The following BRI3 variants were observed in gnomAD, a reference collection of about 807,000 sequenced individuals.
The protein encoded by BRI3 is brain protein I3, also known as membrane protein BRI3.
In BRI3, 6 loss-of-function variants were observed where a neutral mutation model predicts 12.8. The ratio of observed to expected loss-of-function variants is 0.47; its 90% CI spans 0.26 to 0.93. The LOEUF (loss-of-function observed/expected upper bound fraction) is 0.93, where lower values mean the gene tolerates loss of function less well. BRI3 is among the 40% of genes least tolerant of loss of function. BRI3 has a pLI of 0.15. For missense variants in BRI3, 134 were observed against 171.1 expected, an observed-to-expected ratio of 0.78 and a Z score of 1.21; for synonymous variants, 91 against 76.1, an observed-to-expected ratio of 1.20 and a Z score of -1.02.
downstream of BRI3, chr7:98,292,771 G>C: frequency 1.9e-6 from 3 of 1,549,060 alleles, no homozygotes; most frequent in South Asian, 3.6e-5. Flanking sequence ...AGCTGAGTGA[G>C]AACACAAGGA....
At chr7:98,283,722 G>A (rs909589472) in intron 2 of BRI3, among the ~76,000 whole-genome samples, 2 of 152,194 alleles carry the variant, frequency 1.3e-5, no homozygotes, top group African/African-American at 2.4e-5. Flanking sequence ...CCAGCCTGCC[G>A]GAGGAGCCGG....
chr7:98,298,201 T>C (rs1800269489), intron 1 of BRI3, among the ~76,000 whole-genome samples: 1 of 152,252 alleles, frequency 6.6e-6, no homozygotes, highest in Non-Finnish European at 1.5e-5. Context: ...ACAGGACAGC[T>C]GTGGGGCTTC....
chr7:98,317,456 C>T, the BRI3 span: 2 of 1,432,652 alleles, frequency 1.4e-6, no homozygotes, highest in Non-Finnish European at 1.9e-6. Flanking sequence ...CTCAACGGGG[C>T]CCTGACACCC....
intron 1 of BRI3, among the ~76,000 whole-genome samples, chr7:98,298,341 G>A (rs901175503): frequency 4.1e-5 from 6 of 146,210 alleles, no homozygotes; most frequent in Non-Finnish European, 6.1e-5. Context: ...GGCTGGGTGC[G>A]GTGGCTCACG....
intron 1 of BRI3, 37 bp from the exon 2 acceptor site, chr7:98,282,314 C>T (rs759175366): frequency 1.7e-5 from 27 of 1,545,836 alleles, no homozygotes; most frequent in South Asian, 2.2e-5. Context: ...CCGATTTCTC[C>T]TCCCTGCACC....
chr7:98,321,739 CA>C, the BRI3 span, among the ~76,000 whole-genome samples: 1 of 152,198 alleles, frequency 6.6e-6, no homozygotes, highest in Admixed American at 6.5e-5. Flanking sequence ...CCACCACCAT[CA>C]AACAATGCCG....
intron 2 of BRI3, among the ~76,000 whole-genome samples, chr7:98,289,690 T>G (rs1022409380): frequency 2.0e-5 from 3 of 152,134 alleles, no homozygotes; most frequent in African/African-American, 7.2e-5. Flanking sequence ...AAGGAGCCCG[T>G]TGGGGTCTGC....
the BRI3 span, among the ~76,000 whole-genome samples, chr7:98,321,171 T>C: frequency 1.3e-4 from 20 of 152,212 alleles, no homozygotes; most frequent in Non-Finnish European, 2.8e-4. Flanking sequence ...CGTGGCCCTT[T>C]CTATATGCAC....
At position 98,284,749 on chromosome 7, in the gene BRI3, C is replaced by T. The variant is rs190265340; in HGVS notation, c.245+2296C>T. On this transcript the variant is annotated intron_variant, in intron 2 of 2. Coordinates refer to ENST00000297290, the MANE Select transcript of BRI3 (RefSeq NM_015379.5). ...TGCCCTGGCCAGGCCTTCGCTGAAGCTGCCTGACTCCATCTTCCCTTTCTA... is the reference window on the plus strand; with the variant it reads ...TGCCCTGGCCAGGCCTTCGCTGAAGTTGCCTGACTCCATCTTCCCTTTCTA... Among the ~76,000 whole-genome samples, 1,154 of 152,344 alleles carry T rather than the reference C, an allele frequency of 7.6e-3. 11 individuals carry two copies. The highest frequency in any genetic ancestry group is 0.011 in the Non-Finnish European group (753 of 68,028).
At chr7:98,288,025 G>A (rs1584393830) in intron 2 of BRI3, among the ~76,000 whole-genome samples, 1 of 152,206 alleles carries the variant, frequency 6.6e-6, no homozygotes, top group East Asian at 1.9e-4. Context: ...AGGGGTGCCC[G>A]GTGACACTGG....
chr7:98,293,320 A>C (rs1800047294), downstream of BRI3: 1 of 529,220 alleles, frequency 1.9e-6, no homozygotes, highest in African/African-American at 1.9e-5. Context: ...TGGTCATTAG[A>C]CTATTACTCA....
chr7:98,290,688 A>G (rs770444814), intron 2 of BRI3, among the ~76,000 whole-genome samples: 3 of 151,384 alleles, frequency 2.0e-5, no homozygotes, highest in Non-Finnish European at 4.4e-5. Flanking sequence ...TAGTAGAGAC[A>G]GGGTTTCACC....
chr7:98,318,945 CAAA>C, the BRI3 span, among the ~76,000 whole-genome samples: 4 of 114,564 alleles, frequency 3.5e-5, no homozygotes, highest in South Asian at 2.9e-4. Context: ...GACTCCATCT[CAAA>C]AAAAAAAAAA....
intron 1 of BRI3, chr7:98,306,733 G>A: frequency 1.6e-6 from 1 of 636,686 alleles, no homozygotes; most frequent in Non-Finnish European, 2.5e-6. Context: ...ATAGAGACAG[G>A]GTCTCGCTCT....
chr7:98,317,982 G>T, the BRI3 span, among the ~76,000 whole-genome samples: 1 of 151,294 alleles, frequency 6.6e-6, no homozygotes, highest in Admixed American at 6.6e-5. Flanking sequence ...TACGCTGGCT[G>T]GGACCCTCAC....
the BRI3 span, among the ~76,000 whole-genome samples, chr7:98,321,703 C>T: frequency 6.6e-6 from 1 of 152,156 alleles, no homozygotes; most frequent in Non-Finnish European, 1.5e-5. Context: ...TGGAGAAACA[C>T]ATAGACTCAT....
chr7:98,317,508 C>G, the BRI3 span: 1 of 814,638 alleles, frequency 1.2e-6, no homozygotes, highest in Non-Finnish European at 1.9e-6. Context: ...CCCCCACACC[C>G]ACACCAGTTC....
At chr7:98,293,479 A>T, downstream of BRI3, 1 of 1,576,944 alleles carries the variant, frequency 6.3e-7, no homozygotes, top group Admixed American at 1.7e-5. Flanking sequence ...TCATTCCGCA[A>T]GGGAGAACCG....
intron 1 of BRI3, among the ~76,000 whole-genome samples, chr7:98,298,600 A>G (rs937830430): frequency 5.3e-5 from 8 of 152,124 alleles, no homozygotes; most frequent in Admixed American, 3.3e-4. Context: ...GTGACAGAGC[A>G]AGACTCTGTC....
Sources: allele counts gnomAD v4.1 joint callset (sites outside exome capture counted in the v4.1 genomes callset), GRCh38; gene constraint gnomAD v4.1.1; transcripts MANE v1.5; gene names NCBI Gene and HGNC (gene_info 2026-07-23, HGNC 2026-07-21).